SYNJ1: variants seen among roughly 807,000 people sequenced by gnomAD.
The protein encoded by SYNJ1 is polyphosphatidylinositol phosphatase SYNJ1.
In SYNJ1, 78 loss-of-function variants were observed where a neutral mutation model predicts 168.2. The observed-to-expected ratio is 0.46, with a 90% confidence interval of 0.39 to 0.56. SYNJ1 has a LOEUF of 0.56. Among genes scored for constraint, SYNJ1 ranks in the 20% least tolerant of loss-of-function variants. SYNJ1 has a pLI of 0.00. For synonymous variants in SYNJ1, 539 were observed against 548.6 expected (o/e 0.98, Z 0.24); for missense variants, 1,303 against 1,597.6 (o/e 0.82, Z 3.14).
In SYNJ1 at chr21:32,664,894, T is replaced by C; in HGVS notation, c.2304+19A>G. ...GACCCAAAATCTTAATGCAAGTATT[T>C]TCTCAAGTATAGATATACCTGTCCA... On this transcript the variant is annotated intron_variant, in intron 18 of 32. Transcript: ENST00000674351. 6.5e-7 allele frequency: 1 copy of C among 1,528,340 alleles called. No homozygotes were observed. Among genetic ancestry groups the C allele is most frequent in the Non-Finnish European group, 8.8e-7 (1 of 1,132,658 alleles). The allele number at this position is 1,528,340 out of a possible 1,614,324, so 94.7% of individuals were successfully genotyped here. A position where few individuals can be genotyped will look rare whatever the true frequency, so the allele number is the denominator to read the frequency against.
At chr21:32,642,043 C>CGA (rs1343102934) in intron 28 of SYNJ1, 52 bp downstream of exon 28, 1 of 1,613,070 alleles carries the variant, frequency 6.2e-7, no homozygotes, top group Non-Finnish European at 8.5e-7. Flanking sequence ...TTCCAAGTGT[C>CGA]TATTTCACGG....
rs781066636 is a variant in SYNJ1, at chr21:32,639,120, T to A, written c.3703A>T (p.Thr1235Ser). ...GGCTTCAGTGGTTCAGGAAGGAAAGTTGAACCTAAAAAACCAGTGGTTGTC... is the reference window on the plus strand; with the variant it reads ...GGCTTCAGTGGTTCAGGAAGGAAAGATGAACCTAAAAAACCAGTGGTTGTC... ...SKTSETSKGS[T>S]FLPEPLKPQA... is the part of the protein sequence containing the mutation. Residue 1235 changes from threonine (T) to serine (S), a missense_variant, in exon 31 of 33, where the codon ACT becomes TCT. This residue lies in a region of SYNJ1 where 383 missense variants were observed against 388.8 expected (regional missense o/e 0.99). Coordinates refer to ENST00000674351, the MANE Select transcript of SYNJ1 (RefSeq NM_203446.3). 1 of 1,610,122 alleles carries A rather than the reference T, an allele frequency of 6.2e-7. No homozygotes were observed. Among genetic ancestry groups the A allele is most frequent in the South Asian group, 1.1e-5 (1 of 90,856 alleles).
intron 26 of SYNJ1, 57 bp downstream of exon 26, chr21:32,644,911 A>G: frequency 6.5e-7 from 1 of 1,545,190 alleles, no homozygotes; most frequent in Non-Finnish European, 8.8e-7. Context: ...AATGTCTTTC[A>G]GGTGTAAAAC....
Position 32,646,516 on chromosome 21 carries a change from G to C in SYNJ1, c.3124C>G (p.Pro1042Ala), listed in dbSNP as rs1361089216. ...GGACTAGTTCGGGGTGAAGAGCTGG[G>C]GGAAGTACCAAGGCCGGAACTTGAA... ...PSSSSGLGTS[P>A]SSSPRTSPCQ... The change falls in exon 24 of 33, where the codon CCC (proline) becomes GCC (alanine). Residue 1042 changes from proline to alanine, a missense_variant. Physicochemically the swap from Pro to Ala is conservative, Grantham distance 27 (BLOSUM62 -1). Coordinates refer to ENST00000674351, the MANE Select transcript of SYNJ1 (RefSeq NM_203446.3). 3.7e-6 allele frequency: 6 copies of C among 1,614,152 alleles called. 1 individual carries two copies. In the South Asian group the frequency reaches 5.5e-5, roughly 15 times the overall value.
chr21:32,704,882 GCTCACGT>G (rs1453939338), intron 2 of SYNJ1, among the ~76,000 whole-genome samples: 1 of 152,124 alleles, frequency 6.6e-6, no homozygotes, highest in African/African-American at 2.4e-5. Context: ...GGGTATGGTG[GCTCACGT>G]CTGTAATCCC....
chr21:32,722,205 A>AAATATAT (rs1286564956), intron 2 of SYNJ1, among the ~76,000 whole-genome samples: 2 of 65,748 alleles, frequency 3.0e-5, no homozygotes, highest in East Asian at 4.7e-4. Context: ...AAAAAAAAAA[A>AAATATAT]ATATATATAT....
rs755614050 is a variant in SYNJ1 at position 32,641,926 on chromosome 21, T to C, written c.3558A>G (p.Pro1186=). ...QPSPQAGLAG[P]GPAGYSTARP... ...TGGCTGTACTGTATCCAGCAGGTCC[T>C]GGGCCTGCAAGTCCTGCTTGAGGTG... The change falls in exon 29 of 33, where the codon CCA becomes CCG. Residue 1186 remains proline (P), a synonymous_variant. Transcript: ENST00000674351. 6 of 1,613,702 alleles carry C rather than the reference T, an allele frequency of 3.7e-6. No individual in the cohort carries two copies. Among genetic ancestry groups the C allele is most frequent in the South Asian group, 2.2e-5 (2 of 91,042 alleles).
At chr21:32,638,850 T>C in intron 31 of SYNJ1, 58 bp downstream of exon 31, 2 of 1,482,566 alleles carry the variant, frequency 1.3e-6, no homozygotes, top group Admixed American at 4.4e-5. Context: ...AATAGGTATG[T>C]TCAAAGACTA....
At position 32,646,341 on chromosome 21, in the gene SYNJ1, C is replaced by G. The variant is rs527414389; in HGVS notation, c.3247+52G>C. The G allele has an allele frequency of 1.9e-6, 3 of 1,559,328 alleles. No homozygotes were observed. In the East Asian group the frequency reaches 6.8e-5, roughly 35 times the overall value. ...AACTTAAACGATGACTCTCCAACATCAAGCACATTGGCCACAGGAAGCCAT... is the reference window on the plus strand; with the variant it reads ...AACTTAAACGATGACTCTCCAACATGAAGCACATTGGCCACAGGAAGCCAT... On this transcript the variant is annotated intron_variant, in intron 24 of 32. Transcript: ENST00000674351.
chr21:32,640,542 G>A (rs1169970300), intron 29 of SYNJ1, among the ~76,000 whole-genome samples: 3 of 152,094 alleles, frequency 2.0e-5, no homozygotes, highest in African/African-American at 4.8e-5. Context: ...TGATCCACCC[G>A]CCTCGGCCTC....
rs386352368 is a variant in SYNJ1 at position 32,639,733 on chromosome 21, G to A, written c.3635C>T (p.Ala1212Val). ...AGVISAPQSH[A>V]RASAGRLTPE... ...AGTCAGTCTTCCAGCAGATGCCCGC[G>A]CGTGGCTCTGTGGGGCACTGATAAC... The change falls in exon 30 of 33, where the codon GCG (alanine) becomes GTG (valine). Residue 1212 changes from alanine (A) to valine (V), a missense_variant. Around this residue, in one of 2 missense-constraint regions of SYNJ1, gnomAD observed 383 missense variants for 388.8 expected, o/e 0.99. Transcript: ENST00000674351. 8.4e-5 allele frequency: 135 copies of A among 1,614,126 alleles called. 2 individuals carry two copies. In the South Asian group the frequency reaches 1.3e-3, roughly 16 times the overall value.
At chr21:32,711,956 G>A (rs1334565217) in intron 2 of SYNJ1, among the ~76,000 whole-genome samples, 2 of 152,150 alleles carry the variant, frequency 1.3e-5, no homozygotes, top group East Asian at 3.9e-4. Context: ...TACTTTAAAA[G>A]TATTTTCAGG....
At chr21:32,677,051 T>A (rs1010862846) in intron 12 of SYNJ1, among the ~76,000 whole-genome samples, 1 of 152,198 alleles carries the variant, frequency 6.6e-6, no homozygotes, top group African/African-American at 2.4e-5. Context: ...GAAATGGGCA[T>A]CAGGCAGAGT....
At chr21:32,672,752 G>A (rs529843997) in intron 14 of SYNJ1, among the ~76,000 whole-genome samples, 2 of 152,236 alleles carry the variant, frequency 1.3e-5, no homozygotes, top group South Asian at 2.1e-4. Flanking sequence ...GGATAAACCA[G>A]TGCTCTTAAG....
At position 32,631,232 on chromosome 21, in the gene SYNJ1, C is replaced by T. The variant is rs761395590; in HGVS notation, c.*573G>A. 23 of 1,614,232 alleles carry T rather than the reference C, an allele frequency of 1.4e-5. No individual in the cohort carries two copies. The highest frequency in any genetic ancestry group is 1.9e-5 in the Non-Finnish European group (22 of 1,180,048). ...GTAAGTCTGAACAAGCTGACTTTGACTTCCCTTTCACACCAAAATCCTCTT... is the reference window on the plus strand; with the variant it reads ...GTAAGTCTGAACAAGCTGACTTTGATTTCCCTTTCACACCAAAATCCTCTT... On this transcript the variant is annotated 3_prime_UTR_variant, in exon 33 of 33. Coordinates refer to ENST00000674351, the MANE Select transcript of SYNJ1 (RefSeq NM_203446.3).
At chr21:32,635,089 T>G (rs1012456088) in intron 31 of SYNJ1, among the ~76,000 whole-genome samples, 1 of 152,200 alleles carries the variant, frequency 6.6e-6, no homozygotes, top group Non-Finnish European at 1.5e-5. Flanking sequence ...CAGACTTTAG[T>G]TTTGTCTGAG....
Position 32,643,439 on chromosome 21 carries a change from C to G in SYNJ1, c.3449G>C (p.Ser1150Thr), listed in dbSNP as rs1311061693. The change falls in exon 27 of 33, where the codon AGT (serine) becomes ACT (threonine). Residue 1150 changes from serine (S) to threonine (T), a missense_variant. Around this residue, in one of 2 missense-constraint regions of SYNJ1, gnomAD observed 383 missense variants for 388.8 expected, o/e 0.99. Transcript: ENST00000674351. Reference sequence around the variant, plus strand: ...CATCTCTCTCCTAGCTACCCCAGGACTGGGAGGGGCTCCAATACCTTTTTA... The same window carrying G: ...CATCTCTCTCCTAGCTACCCCAGGAGTGGGAGGGGCTCCAATACCTTTTTA... ...KEFGGIGAPPSPGVARREMEA... is the reference protein window; with the variant it reads ...KEFGGIGAPPTPGVARREMEA... The G allele has an allele frequency of 5.6e-6, 9 of 1,613,756 alleles. No homozygotes were observed. Among genetic ancestry groups the G allele is most frequent in the Non-Finnish European group, 6.8e-6 (8 of 1,179,780 alleles).
At chr21:32,725,331 T>G (rs1029869902) in intron 2 of SYNJ1, among the ~76,000 whole-genome samples, 1 of 152,146 alleles carries the variant, frequency 6.6e-6, no homozygotes, top group Non-Finnish European at 1.5e-5. Context: ...AGTATAAGAA[T>G]TCCACTTGTA....
intron 2 of SYNJ1, among the ~76,000 whole-genome samples, chr21:32,723,376 T>C (rs533771448): frequency 1.3e-5 from 2 of 152,376 alleles, no homozygotes; most frequent in South Asian, 2.1e-4. Context: ...ATTTACTTTT[T>C]AAAGTAAAGC....
Sources: gnomAD v4.1 joint callset for allele counts (sites outside exome capture counted in the v4.1 genomes callset) on GRCh38, gnomAD v4.1.1 for gene constraint, gnomAD v4.1.1 regional missense constraint, MANE v1.5 for transcripts, NCBI Gene and HGNC (gene_info 2026-07-23, HGNC 2026-07-21) for gene names.